The following ERC2 variants were observed in gnomAD, a reference collection of about 807,000 sequenced individuals.
ERC2 encodes the protein ERC protein 2.
In ERC2, 42 loss-of-function variants were observed where a neutral mutation model predicts 114.8. The observed-to-expected ratio is 0.37, with a 90% confidence interval of 0.29 to 0.47. The LOEUF is 0.47. Ranked by LOEUF, ERC2 falls within the 20% of genes least tolerant of loss-of-function variation. The probability of loss-of-function intolerance (pLI) is 0.99; values close to 1 mark genes in which losing one functional copy is unlikely to be tolerated. For missense variants in ERC2, 939 were observed against 1,150.7 expected, an observed-to-expected ratio of 0.82 and a Z score of 2.66; for synonymous variants, 454 against 425.5, an observed-to-expected ratio of 1.07 and a Z score of -0.82.
rs772767290 is a variant in ERC2 at position 56,019,006 on chromosome 3, C to T, written c.1667G>A (p.Arg556Lys). 2.5e-6 allele frequency: 4 copies of T among 1,611,428 alleles called. No individual in the cohort carries two copies. The South Asian group carries it at 4.4e-5, about 18-fold the overall frequency. ...GTTGGTCAGTTGCTTGTCTTTATCCCTAAGTTGTTCTTGCAAGTTTTCAAT... is the reference window on the plus strand; with the variant it reads ...GTTGGTCAGTTGCTTGTCTTTATCCTTAAGTTGTTCTTGCAAGTTTTCAAT... ...KKIENLQEQL[R>K]DKDKQLTNLK... The change falls in exon 8 of 18, where the codon AGG (arginine) becomes AAG (lysine). Residue 556 changes from arginine (R) to lysine (K), a missense_variant. By Grantham distance (26) the Arg-to-Lys change is conservative (BLOSUM62 2). Around this residue, in one of 5 missense-constraint regions of ERC2, gnomAD observed 149 missense variants for 254.6 expected, o/e 0.59. Coordinates refer to ENST00000288221, the MANE Select transcript of ERC2 (RefSeq NM_015576.3).
At chr3:56,306,636 C>T (rs1449535177) in intron 2 of ERC2, among the ~76,000 whole-genome samples, 3 of 152,144 alleles carry the variant, frequency 2.0e-5, no homozygotes, top group Non-Finnish European at 4.4e-5. Context: ...GGCAGGGAGG[C>T]TCTCCAGGTG....
intron 5 of ERC2, among the ~76,000 whole-genome samples, chr3:56,143,329 C>T (rs1239672041): frequency 6.6e-6 from 1 of 152,110 alleles, no homozygotes; most frequent in Non-Finnish European, 1.5e-5. Flanking sequence ...AATAAATAAC[C>T]TGATATGGTT....
chr3:56,055,806 T>C (rs967444570), intron 7 of ERC2, among the ~76,000 whole-genome samples: 8 of 152,232 alleles, frequency 5.3e-5, no homozygotes, highest in African/African-American at 1.9e-4. Context: ...CCTCTCTCTA[T>C]CTGCACTTGC....
At chr3:55,525,838 C>CT (rs2053277154) in intron 17 of ERC2, among the ~76,000 whole-genome samples, 1 of 152,146 alleles carries the variant, frequency 6.6e-6, no homozygotes, top group Non-Finnish European at 1.5e-5. Context: ...CAGGTGGGGA[C>CT]TACATAACCT....
intron 6 of ERC2, among the ~76,000 whole-genome samples, chr3:56,131,494 G>A (rs2080197279): frequency 6.6e-6 from 1 of 152,260 alleles, no homozygotes; most frequent in South Asian, 2.1e-4. Flanking sequence ...TTTCTAAAAA[G>A]CATCTTAATT....
chr3:56,113,248 C>G (rs2079055974), intron 6 of ERC2, among the ~76,000 whole-genome samples: 1 of 151,998 alleles, frequency 6.6e-6, no homozygotes, highest in Non-Finnish European at 1.5e-5. Context: ...AAGATGACAA[C>G]AAATGAAAGA....
chr3:56,016,916 A>G (rs193277957), intron 8 of ERC2, among the ~76,000 whole-genome samples: 1 of 152,208 alleles, frequency 6.6e-6, no homozygotes, highest in Non-Finnish European at 1.5e-5. Flanking sequence ...AGATAATGCT[A>G]TTACTCTAGT....
intron 17 of ERC2, among the ~76,000 whole-genome samples, chr3:55,539,574 C>T (rs1056284038): frequency 1.3e-5 from 2 of 151,544 alleles, no homozygotes; most frequent in African/African-American, 4.8e-5. Flanking sequence ...AGACGCCTGC[C>T]ACCATACCAG....
At chr3:56,225,042 G>A (rs1275327365) in intron 3 of ERC2, among the ~76,000 whole-genome samples, 1 of 151,980 alleles carries the variant, frequency 6.6e-6, no homozygotes, top group Admixed American at 6.6e-5. Context: ...GTGTCCTCGG[G>A]CAAGTCCTTT....
intron 2 of ERC2, among the ~76,000 whole-genome samples, chr3:56,349,083 G>T (rs555870963): frequency 6.6e-6 from 1 of 152,128 alleles, no homozygotes; most frequent in African/African-American, 2.4e-5. Context: ...GAAGAAAATA[G>T]CTCTCTAAAG....
chr3:56,404,869 T>C (rs2060653455), intron 2 of ERC2, among the ~76,000 whole-genome samples: 1 of 152,084 alleles, frequency 6.6e-6, no homozygotes, highest in African/African-American at 2.4e-5. Flanking sequence ...CTGTAAAAAA[T>C]TCAGATGAAG....
chr3:56,294,445 G>A (rs2055296451), intron 3 of ERC2, among the ~76,000 whole-genome samples: 1 of 152,212 alleles, frequency 6.6e-6, no homozygotes, highest in African/African-American at 2.4e-5. Context: ...CTAAATGGCT[G>A]TTACCAGGTT....
intron 17 of ERC2, among the ~76,000 whole-genome samples, chr3:55,526,449 C>A (rs999719775): frequency 1.3e-5 from 2 of 152,078 alleles, no homozygotes; most frequent in African/African-American, 2.4e-5. Context: ...ATCTGAGATC[C>A]AAGAAGCATC....
intron 2 of ERC2, among the ~76,000 whole-genome samples, chr3:56,349,272 C>T (rs1356812100): frequency 6.6e-6 from 1 of 152,156 alleles, no homozygotes; most frequent in African/African-American, 2.4e-5. Flanking sequence ...TTACCCTCTG[C>T]TCATCTCACG....
At chr3:55,873,223 G>A (rs1338669416) in intron 14 of ERC2, among the ~76,000 whole-genome samples, 2 of 152,214 alleles carry the variant, frequency 1.3e-5, no homozygotes, top group African/African-American at 4.8e-5. Context: ...GGAAAAAGAG[G>A]GTCATGCTTC....
At chr3:55,945,644 C>T (rs966592665) in intron 13 of ERC2, among the ~76,000 whole-genome samples, 1 of 151,288 alleles carries the variant, frequency 6.6e-6, no homozygotes, top group Non-Finnish European at 1.5e-5. Context: ...AAGTCCCCTT[C>T]GAAAAAAGAT....
intron 17 of ERC2, among the ~76,000 whole-genome samples, chr3:55,618,660 C>G (rs186502740): frequency 3.6e-4 from 55 of 152,236 alleles, no homozygotes; most frequent in Non-Finnish European, 6.2e-4. Flanking sequence ...TAGAAAGATA[C>G]ATAGTTCACC....
At chr3:55,623,576 TTGACCTCAGTCATGCCTGGTCACCTGCTC>T (rs2059400902) in intron 17 of ERC2, among the ~76,000 whole-genome samples, 1 of 152,174 alleles carries the variant, frequency 6.6e-6, no homozygotes, top group Admixed American at 6.5e-5. Flanking sequence ...GTCACCTGCT[TTGACCTCAGTCATGCCTGGTCACCTGCTC>T]TGACCTAAGT....
chr3:55,958,420 C>T (rs1275588789), intron 12 of ERC2, among the ~76,000 whole-genome samples: 3 of 152,206 alleles, frequency 2.0e-5, no homozygotes, highest in Admixed American at 2.0e-4. Context: ...TAAGTTCTCA[C>T]TCTGGGCTTC....
Sources: allele counts gnomAD v4.1 joint callset (sites outside exome capture counted in the v4.1 genomes callset), GRCh38; gene constraint gnomAD v4.1.1; regional missense constraint gnomAD v4.1.1; transcripts MANE v1.5; gene names NCBI Gene and HGNC (gene_info 2026-07-23, HGNC 2026-07-21).